PTGR2: variants seen among roughly 807,000 people sequenced by gnomAD.
The protein encoded by PTGR2 is 15-oxoprostaglandin 13-reductase.
A neutral mutation model predicts 43.4 loss-of-function variants in PTGR2; 32 were observed. The observed-to-expected ratio is 0.74, with a 90% CI of 0.56 to 0.99. The LOEUF (loss-of-function observed/expected upper bound fraction) is 0.99, where lower values mean the gene tolerates loss of function less well. Among genes scored for constraint, PTGR2 ranks in the 50% least tolerant of loss-of-function variants. PTGR2 has a pLI of 0.00. For missense variants in PTGR2, 373 were observed against 420.0 expected (o/e 0.89, Z 0.98); for synonymous variants, 106 against 139.2 (o/e 0.76, Z 1.68).
At chr14:73,866,212 A>G (rs772030148) in intron 3 of PTGR2, among the ~76,000 whole-genome samples, 7 of 152,166 alleles carry the variant, frequency 4.6e-5, no homozygotes, top group Non-Finnish European at 1.0e-4. Context: ...CATATTGGCC[A>G]GGTGGGTCTT....
chr14:73,880,907 C>T (rs1380054720), intron 7 of PTGR2, among the ~76,000 whole-genome samples: 1 of 152,186 alleles, frequency 6.6e-6, no homozygotes, highest in Non-Finnish European at 1.5e-5. Context: ...AGCGATTCTC[C>T]TGTCTCAGCC....
chr14:73,881,347 G>A (rs892938307), intron 8 of PTGR2, 55 bp downstream of exon 8: 3 of 1,131,704 alleles, frequency 2.7e-6, no homozygotes, highest in African/African-American at 3.1e-5. Context: ...ATATAATTTT[G>A]CATTATTTAA....
chr14:73,871,264 A>C (rs888848148), intron 3 of PTGR2, among the ~76,000 whole-genome samples: 1 of 149,168 alleles, frequency 6.7e-6, no homozygotes, highest in Non-Finnish European at 1.5e-5. Flanking sequence ...AGGGTGGTGC[A>C]CCTGGAGAGG....
chr14:73,867,997 A>G (rs2054640716), intron 3 of PTGR2, among the ~76,000 whole-genome samples: 1 of 152,208 alleles, frequency 6.6e-6, no homozygotes. Flanking sequence ...AAGAAGCTAC[A>G]TAACCTGGGC....
chr14:73,869,031 C>T (rs1413297019), intron 3 of PTGR2, among the ~76,000 whole-genome samples: 2 of 152,172 alleles, frequency 1.3e-5, no homozygotes, highest in African/African-American at 2.4e-5. Flanking sequence ...ATCTAAAAGC[C>T]TCTTCCCACT....
chr14:73,856,250 G>A (rs1444674256), intron 1 of PTGR2, among the ~76,000 whole-genome samples: 1 of 151,652 alleles, frequency 6.6e-6, no homozygotes, highest in Non-Finnish European at 1.5e-5. Flanking sequence ...AATCTTTTTT[G>A]TTGTTGTTTT....
chr14:73,871,806 A>C (rs1177815649), intron 3 of PTGR2, among the ~76,000 whole-genome samples: 3 of 152,084 alleles, frequency 2.0e-5, no homozygotes, highest in African/African-American at 7.2e-5. Context: ...AGGAGGAAAA[A>C]GTAGATTTTT....
chr14:73,883,188 CTTTTTTTTTT>C (rs58234739), intron 9 of PTGR2, among the ~76,000 whole-genome samples: 584 of 58,144 alleles, frequency 0.01, 25 homozygotes, highest in African/African-American at 0.043. Flanking sequence ...CCTCACCTCC[CTTTTTTTTTT>C]TTTTTTTTTT....
At chr14:73,853,228 A>C (rs889387290) in intron 1 of PTGR2, among the ~76,000 whole-genome samples, 2 of 152,214 alleles carry the variant, frequency 1.3e-5, no homozygotes, top group Non-Finnish European at 2.9e-5. Flanking sequence ...TGTGATGGAA[A>C]TAGCAGGTGC....
intron 1 of PTGR2, among the ~76,000 whole-genome samples, chr14:73,855,004 T>C (rs2054311926): frequency 1.3e-5 from 2 of 152,098 alleles, no homozygotes. Flanking sequence ...AATGACACCA[T>C]GAGGAAGCAA....
At chr14:73,874,589 G>T (rs1204317168) in intron 4 of PTGR2, 1 of 456,736 alleles carries the variant, frequency 2.2e-6, no homozygotes. Flanking sequence ...TTTAGAGATG[G>T]GTTGTCACTG....
In PTGR2 at chr14:73,877,156, T is replaced by C. The variant is rs1259503072; in HGVS notation, c.507T>C (p.Ser169=). The C allele has an allele frequency of 6.2e-7, 1 of 1,610,858 alleles. No homozygotes were observed. Reference sequence around the variant, plus strand: ...GTGGGGCCGCAGGTGCCTGTGGATCTGTGGCTGGGCAGGTAAACTTTCTGA... The same window carrying C: ...GTGGGGCCGCAGGTGCCTGTGGATCCGTGGCTGGGCAGGTAAACTTTCTGA... The part of the protein sequence containing the change: ...VVSGAAGACG[S]VAGQIGHFLG... Residue 169 remains serine (S), a synonymous_variant, in exon 5 of 10, where the codon TCT becomes TCC. Coordinates refer to ENST00000555661, the MANE Select transcript of PTGR2 (RefSeq NM_001146154.2).
At chr14:73,882,487 TAA>T (rs765530378) in intron 9 of PTGR2, 49 bp downstream of exon 9, 4 of 1,201,044 alleles carry the variant, frequency 3.3e-6, no homozygotes, top group African/African-American at 3.1e-5. Context: ...CACACAAAGA[TAA>T]AGTCTCTTTA....
intron 6 of PTGR2, chr14:73,879,631 C>A: frequency 4.2e-6 from 1 of 235,730 alleles, no homozygotes. Flanking sequence ...AACTCACAGC[C>A]ATGGCCCCAG....
At chr14:73,866,408 A>G (rs1345317182) in intron 3 of PTGR2, among the ~76,000 whole-genome samples, 1 of 152,014 alleles carries the variant, frequency 6.6e-6, no homozygotes, top group Non-Finnish European at 1.5e-5. Context: ...AAGTGCTGGG[A>G]TTACAGGTGT....
At chr14:73,864,678 A>G (rs1241805110) in intron 3 of PTGR2, among the ~76,000 whole-genome samples, 2 of 152,188 alleles carry the variant, frequency 1.3e-5, no homozygotes, top group Non-Finnish European at 2.9e-5. Context: ...AGTTGTTTAT[A>G]TATTCTTGAT....
intron 1 of PTGR2, among the ~76,000 whole-genome samples, chr14:73,855,471 G>T (rs1036236534): frequency 2.0e-5 from 3 of 152,118 alleles, no homozygotes; most frequent in Admixed American, 2.0e-4. Context: ...TATTGAGACA[G>T]GGTCTCACTC....
At position 73,874,232 on chromosome 14, in the gene PTGR2, A is replaced by G. The variant is rs1272699663; in HGVS notation, c.348+18A>G. 2 of 1,546,764 alleles carry G rather than the reference A, an allele frequency of 1.3e-6. No individual in the cohort carries two copies. The highest frequency in any genetic ancestry group is 1.2e-5 in the South Asian group (1 of 83,762). The stretch of plus-strand genomic sequence containing the variant: ...TTGAAAAGGTGATATATATATGAAC[A>G]TATCTGATTTTTTTTCCCCGTATAA... On this transcript the variant is annotated intron_variant, in intron 4 of 9. Transcript: ENST00000555661.
At chr14:73,855,534 C>T (rs2054325745) in intron 1 of PTGR2, among the ~76,000 whole-genome samples, 1 of 151,880 alleles carries the variant, frequency 6.6e-6, no homozygotes, top group African/African-American at 2.4e-5. Context: ...GCAACCTCCA[C>T]CTCTTGAGTT....
Sources: allele counts gnomAD v4.1 joint callset (sites outside exome capture counted in the v4.1 genomes callset), GRCh38; gene constraint gnomAD v4.1.1; transcripts MANE v1.5; gene names NCBI Gene and HGNC (gene_info 2026-07-23, HGNC 2026-07-21).